Variants in ARB2A observed in about 807,000 individuals in gnomAD.
The protein encoded by ARB2A is ARB2 cotranscriptional regulator A.
chr5:93,807,378 C>A, the ARB2A span, among the ~76,000 whole-genome samples: 1 of 151,788 alleles, frequency 6.6e-6, no homozygotes, highest in Non-Finnish European at 1.5e-5. Flanking sequence ...TATATTTCAC[C>A]TATAATTGAT....
the ARB2A span, among the ~76,000 whole-genome samples, chr5:94,071,526 G>T: frequency 6.6e-6 from 1 of 151,882 alleles, no homozygotes; most frequent in African/African-American, 2.4e-5. Flanking sequence ...AAGATATAAA[G>T]AACTATCAAA....
the ARB2A span, among the ~76,000 whole-genome samples, chr5:93,635,459 G>GTTTTTTT: frequency 8.3e-4 from 107 of 128,920 alleles, 5 homozygotes; most frequent in African/African-American, 3.2e-3. Flanking sequence ...TTATACGAAA[G>GTTTTTTT]TTTTTTTTTT....
the ARB2A span, among the ~76,000 whole-genome samples, chr5:93,918,321 G>A: frequency 1.5e-4 from 23 of 152,148 alleles, no homozygotes; most frequent in Non-Finnish European, 2.5e-4. Flanking sequence ...AAACACATGT[G>A]TGGGAAGAAG....
At chr5:94,093,143 C>T in the ARB2A span, among the ~76,000 whole-genome samples, 1 of 152,062 alleles carries the variant, frequency 6.6e-6, no homozygotes, top group East Asian at 1.9e-4. Context: ...TGAGGTCCTT[C>T]TGATACATTT....
the ARB2A span, among the ~76,000 whole-genome samples, chr5:93,686,410 T>C: frequency 6.6e-6 from 1 of 152,212 alleles, no homozygotes; most frequent in Non-Finnish European, 1.5e-5. Context: ...CTTGACATTT[T>C]ACTCTGGACA....
the ARB2A span, among the ~76,000 whole-genome samples, chr5:93,836,279 G>A: frequency 3.3e-5 from 5 of 152,116 alleles, no homozygotes; most frequent in Middle Eastern, 3.4e-3. Context: ...CGCCCACCTC[G>A]GCCTCCCAAA....
the ARB2A span, among the ~76,000 whole-genome samples, chr5:93,657,044 T>C: frequency 2.0e-5 from 3 of 152,162 alleles, no homozygotes; most frequent in African/African-American, 4.8e-5. Context: ...GACTTCCATA[T>C]GTCAGAGAGA....
chr5:93,839,932 C>T, the ARB2A span, among the ~76,000 whole-genome samples: 19 of 152,032 alleles, frequency 1.2e-4, no homozygotes, highest in Non-Finnish European at 2.8e-4. Flanking sequence ...CATTATCAGG[C>T]TAACTAGCAG....
At chr5:94,007,007 T>A in the ARB2A span, among the ~76,000 whole-genome samples, 1 of 152,180 alleles carries the variant, frequency 6.6e-6, no homozygotes, top group South Asian at 2.1e-4. Flanking sequence ...ATAGAAACAT[T>A]TATTGTTCTA....
the ARB2A span, among the ~76,000 whole-genome samples, chr5:93,628,145 G>A: frequency 1.4e-5 from 2 of 148,056 alleles, no homozygotes; most frequent in Non-Finnish European, 3.0e-5. Flanking sequence ...CCGCCTCCCA[G>A]GTTCAAGTGA....
chr5:93,756,567 G>T, the ARB2A span, among the ~76,000 whole-genome samples: 2 of 152,166 alleles, frequency 1.3e-5, no homozygotes, highest in African/African-American at 4.8e-5. Context: ...AGACACCCTA[G>T]TACCAGCCCA....
At chr5:93,756,578 G>A in the ARB2A span, among the ~76,000 whole-genome samples, 4 of 152,284 alleles carry the variant, frequency 2.6e-5, no homozygotes, top group African/African-American at 9.6e-5. Context: ...TACCAGCCCA[G>A]AACGGGGTAG....
At chr5:93,667,799 T>A in the ARB2A span, among the ~76,000 whole-genome samples, 1 of 152,200 alleles carries the variant, frequency 6.6e-6, no homozygotes, top group Non-Finnish European at 1.5e-5. Context: ...GCTAGTGATA[T>A]TCATTAGTTT....
chr5:93,855,743 T>G, the ARB2A span, among the ~76,000 whole-genome samples: 1 of 152,168 alleles, frequency 6.6e-6, no homozygotes, highest in African/African-American at 2.4e-5. Context: ...GATATTAAAT[T>G]CTGGGTTGAA....
At chr5:93,774,144 C>T in the ARB2A span, among the ~76,000 whole-genome samples, 5 of 152,138 alleles carry the variant, frequency 3.3e-5, no homozygotes, top group African/African-American at 4.8e-5. Flanking sequence ...CCATAGAAGA[C>T]GGTGAACTTA....
the ARB2A span, among the ~76,000 whole-genome samples, chr5:93,883,924 TACAC>T: frequency 0.16 from 21,213 of 133,610 alleles, 1,468 homozygotes; most frequent in East Asian, 0.21. Context: ...CACATACACA[TACAC>T]ACACACACAC....
the ARB2A span, among the ~76,000 whole-genome samples, chr5:93,994,940 G>T: frequency 1.3e-5 from 2 of 150,816 alleles, no homozygotes; most frequent in South Asian, 2.1e-4. Flanking sequence ...TAAGAAAAAG[G>T]TATATATAAA....
the ARB2A span, chr5:93,881,656 A>G: frequency 3.8e-6 from 6 of 1,595,846 alleles, no homozygotes; most frequent in Non-Finnish European, 3.4e-6. Context: ...TATAGTTTTC[A>G]TTGGGATTTA....
the ARB2A span, among the ~76,000 whole-genome samples, chr5:93,640,432 G>C: frequency 6.6e-6 from 1 of 151,570 alleles, no homozygotes; most frequent in Admixed American, 6.6e-5. Flanking sequence ...CTGGGCGACA[G>C]AGCAAGACTC....
Sources: gnomAD v4.1 joint callset for allele counts (sites outside exome capture counted in the v4.1 genomes callset) on GRCh38, gnomAD v4.1.1 for gene constraint, MANE v1.5 for transcripts, NCBI Gene and HGNC (gene_info 2026-07-23, HGNC 2026-07-21) for gene names.